SCAPER: variants seen among roughly 807,000 people sequenced by gnomAD.
SCAPER encodes the protein S-phase cyclin A associated protein in the ER.
SCAPER carries 98 observed loss-of-function variants against 182.2 expected under a neutral mutation model. The ratio of observed to expected loss-of-function variants is 0.54; its 90% CI spans 0.46 to 0.64. The LOEUF (loss-of-function observed/expected upper bound fraction) is 0.64, where lower values mean the gene tolerates loss of function less well. Ranked by LOEUF, SCAPER falls within the 30% of genes least tolerant of loss-of-function variation. SCAPER has a pLI of 0.00. For missense variants in SCAPER, 1,432 were observed against 1,690.0 expected (o/e 0.85, Z 2.68); for synonymous variants, 605 against 564.6 (o/e 1.07, Z -1.01).
At position 76,481,333 on chromosome 15, in the gene SCAPER, A is replaced by G. The variant is rs1300023607; in HGVS notation, c.2955-9998T>C. On this transcript the variant is annotated intron_variant, in intron 24 of 31. Transcript: ENST00000563290. The stretch of plus-strand genomic sequence containing the variant: ...ACTGTAAGCAGTTTTAAGAGGAGAC[A>G]TAATCTACTGATTCTGCGTAAAAGC... 2.0e-5 allele frequency among the ~76,000 whole-genome samples: 3 copies of G among 152,212 alleles called. No homozygotes were observed. In the East Asian group the frequency reaches 5.8e-4, roughly 29 times the overall value.
At chr15:76,726,692 C>T (rs912861744) in intron 17 of SCAPER, among the ~76,000 whole-genome samples, 2 of 151,990 alleles carry the variant, frequency 1.3e-5, no homozygotes, top group African/African-American at 4.8e-5. Context: ...CTGACACATG[C>T]TACAACATGG....
intron 22 of SCAPER, among the ~76,000 whole-genome samples, chr15:76,600,690 T>G (rs2049873602): frequency 1.7e-5 from 2 of 119,828 alleles, no homozygotes; most frequent in Non-Finnish European, 4.0e-5. Context: ...CCTCAGACGA[T>G]CTGCCCACCT....
chr15:76,843,574 G>T (rs1270127994), intron 4 of SCAPER, among the ~76,000 whole-genome samples: 5 of 152,046 alleles, frequency 3.3e-5, no homozygotes, highest in African/African-American at 9.7e-5. Flanking sequence ...AAGACAAAAA[G>T]GAGAAAAAAT....
At chr15:76,725,778 A>T (rs562342987) in intron 17 of SCAPER, among the ~76,000 whole-genome samples, 2 of 152,124 alleles carry the variant, frequency 1.3e-5, no homozygotes, top group African/African-American at 4.8e-5. Flanking sequence ...GTGATGGGAA[A>T]ACTGAGTATG....
In SCAPER at chr15:76,603,841, A is replaced by G. The variant is rs1206765480; in HGVS notation, c.2711+17923T>C. On this transcript the variant is annotated intron_variant, in intron 22 of 31. Transcript: ENST00000563290. ...GCATAAATGTCTTCTTTTGAGAAGT[A>G]TCTGTTCATATCCTTTGCCCACTTT... 2.6e-4 allele frequency among the ~76,000 whole-genome samples: 31 copies of G among 121,294 alleles called. 7 individuals are homozygous for G. The highest frequency in any genetic ancestry group is 4.0e-4 in the Non-Finnish European group (20 of 49,878). 79.6% of individuals were successfully genotyped at this position (121,294 alleles called of 152,430 possible). A position where few individuals can be genotyped will look rare whatever the true frequency, so the allele number is the denominator to read the frequency against.
intron 21 of SCAPER, among the ~76,000 whole-genome samples, chr15:76,624,216 T>C (rs925111927): frequency 6.6e-6 from 1 of 152,200 alleles, no homozygotes; most frequent in African/African-American, 2.4e-5. Flanking sequence ...ACAAAATCAA[T>C]GTACAAAATC....
intron 10 of SCAPER, among the ~76,000 whole-genome samples, chr15:76,769,868 G>A (rs966320916): frequency 1.3e-5 from 2 of 152,054 alleles, no homozygotes; most frequent in African/African-American, 4.8e-5. Context: ...ATACCCAAAG[G>A]ATTATAAATC....
At position 76,351,291 on chromosome 15, in the gene SCAPER, G is replaced by T. The variant is rs1359441122; in HGVS notation, c.4048-3C>A. 2 of 1,606,876 alleles carry T rather than the reference G, an allele frequency of 1.2e-6. No individual in the cohort carries two copies. Among genetic ancestry groups the T allele is most frequent in the Admixed American group, 3.4e-5 (2 of 59,092 alleles). On this transcript the variant is annotated splice_region_variant and splice_polypyrimidine_tract_variant and intron_variant, in intron 30 of 31. Coordinates refer to ENST00000563290, the MANE Select transcript of SCAPER (RefSeq NM_020843.4). ...TGACCTGGAGTCTGTGCCAAATCCTGTATGAGGAGAGAAAAGTGTTTTTCT... is the reference window on the plus strand; with the variant it reads ...TGACCTGGAGTCTGTGCCAAATCCTTTATGAGGAGAGAAAAGTGTTTTTCT...
chr15:76,652,405 A>G (rs868569137), intron 21 of SCAPER, among the ~76,000 whole-genome samples: 108 of 42,744 alleles, frequency 2.5e-3, no homozygotes, highest in African/African-American at 9.0e-3. Flanking sequence ...TATATATAGC[A>G]CTTTGGAAGG....
At position 76,692,696 on chromosome 15, in the gene SCAPER, GAAAAA is replaced by G. The variant is rs71143354; in HGVS notation, c.2508+9057_2508+9061del. Among the ~76,000 whole-genome samples the G allele has an allele frequency of 9.1e-5, 9 of 98,822 alleles. No individual in the cohort carries two copies. The South Asian group carries it at 2.8e-3, about 31-fold the overall frequency. 64.8% of individuals were successfully genotyped at this position (98,822 alleles called of 152,430 possible). Reference sequence around the variant, plus strand: ...AGAGCAAGATTCTGTTTCAAAAAAAGAAAAAAAAAAAAAAAAGGAAAAGGAAAAGG... The same window carrying G: ...AGAGCAAGATTCTGTTTCAAAAAAAGAAAAAAAAAAAGGAAAAGGAAAAGG... On this transcript the variant is annotated intron_variant, in intron 20 of 31. Coordinates refer to ENST00000563290, the MANE Select transcript of SCAPER (RefSeq NM_020843.4).
At chr15:76,791,356 G>A (rs2064995895) in intron 8 of SCAPER, among the ~76,000 whole-genome samples, 3 of 152,182 alleles carry the variant, frequency 2.0e-5, no homozygotes, top group African/African-American at 7.2e-5. Context: ...AGCAGCCGAT[G>A]TGGCAAATTT....
chr15:76,517,227 C>T (rs1443959458), intron 23 of SCAPER, among the ~76,000 whole-genome samples: 2 of 151,930 alleles, frequency 1.3e-5, no homozygotes, highest in Non-Finnish European at 2.9e-5. Context: ...ACTATATATA[C>T]ATACACTTTT....
intron 26 of SCAPER, among the ~76,000 whole-genome samples, chr15:76,428,481 T>C (rs1013329792): frequency 1.3e-5 from 2 of 152,122 alleles, no homozygotes; most frequent in African/African-American, 4.8e-5. Flanking sequence ...TGTTACAACA[T>C]GGATGGACCT....
chr15:76,677,215 A>C (rs1348375352), intron 20 of SCAPER, among the ~76,000 whole-genome samples: 1 of 152,154 alleles, frequency 6.6e-6, no homozygotes, highest in Non-Finnish European at 1.5e-5. Flanking sequence ...TTCTAGCCTC[A>C]CTGAATCCTG....
rs528595113 is a variant in SCAPER, at chr15:76,626,251, C to T, written c.2646-4422G>A. 1.6e-4 allele frequency among the ~76,000 whole-genome samples: 25 copies of T among 152,056 alleles called. No individual in the cohort carries two copies. The South Asian group carries it at 4.0e-3, about 24-fold the overall frequency. On this transcript the variant is annotated intron_variant, in intron 21 of 31. Transcript: ENST00000563290. Reference sequence around the variant, plus strand: ...CACTAGATGCCTCTAGTCAACCATCCGGAAGCACCTCCCATTTGATTCACT... The same window carrying T: ...CACTAGATGCCTCTAGTCAACCATCTGGAAGCACCTCCCATTTGATTCACT...
chr15:76,679,198 G>A (rs2057542577), intron 20 of SCAPER, among the ~76,000 whole-genome samples: 1 of 152,122 alleles, frequency 6.6e-6, no homozygotes, highest in Admixed American at 6.6e-5. Context: ...TGTGTTTAGA[G>A]ATTCAAGAAA....
intron 20 of SCAPER, among the ~76,000 whole-genome samples, chr15:76,669,265 A>G (rs1247778990): frequency 6.6e-6 from 1 of 152,220 alleles, no homozygotes; most frequent in Non-Finnish European, 1.5e-5. Context: ...TGAAGAAAGT[A>G]TTCTCTCACT....
At chr15:76,460,394 A>G (rs2049074581) in intron 25 of SCAPER, among the ~76,000 whole-genome samples, 1 of 152,104 alleles carries the variant, frequency 6.6e-6, no homozygotes, top group East Asian at 1.9e-4. Context: ...ACCGATTTTT[A>G]TAAGTTGATT....
chr15:76,462,303 A>T (rs1442942512), intron 25 of SCAPER, among the ~76,000 whole-genome samples: 1 of 152,148 alleles, frequency 6.6e-6, no homozygotes, highest in African/African-American at 2.4e-5. Context: ...ATTTGTTTTC[A>T]CATACTTTAC....
Sources: gnomAD v4.1 joint callset for allele counts (sites outside exome capture counted in the v4.1 genomes callset) on GRCh38, gnomAD v4.1.1 for gene constraint, MANE v1.5 for transcripts, NCBI Gene and HGNC (gene_info 2026-07-23, HGNC 2026-07-21) for gene names.